ADAMTSL1: variants seen among roughly 807,000 people sequenced by gnomAD.
ADAMTSL1 encodes the protein ADAMTS like 1, also known as ADAMTS-like protein 1.
ADAMTSL1 carries 126 observed loss-of-function variants against 201.8 expected under a neutral mutation model. That is an observed-to-expected ratio of 0.62 (90% CI 0.54 to 0.72). The LOEUF is 0.72. Among genes scored for constraint, ADAMTSL1 ranks in the 30% least tolerant of loss-of-function variants. ADAMTSL1 has a pLI of 0.00. For missense variants in ADAMTSL1, 2,679 were observed against 2,277.8 expected, an observed-to-expected ratio of 1.18 and a Z score of -3.59; for synonymous variants, 1,121 against 903.4, an observed-to-expected ratio of 1.24 and a Z score of -4.32.
rs547736818 is a variant in ADAMTSL1 at position 18,404,596 on chromosome 9, C to A, written c.208-100233C>A. Among the ~76,000 whole-genome samples, 6 of 152,320 alleles carry A rather than the reference C, an allele frequency of 3.9e-5. No homozygotes were observed. In the East Asian group the frequency reaches 7.7e-4, roughly 20 times the overall value. On this transcript the variant is annotated intron_variant, in intron 2 of 29. Transcript: ENST00000680146. The stretch of plus-strand genomic sequence containing the variant: ...TCCTTTTCAGCTACAGTTCTCCCAG[C>A]CGGCCTAAGCATCTTTTCACAAACA...
chr9:18,169,305 A>C (rs1457214573), intron 2 of ADAMTSL1, among the ~76,000 whole-genome samples: 1 of 151,766 alleles, frequency 6.6e-6, no homozygotes, highest in African/African-American at 2.4e-5. Context: ...TTTTTGTATA[A>C]GGTGTAAGGA....
chr9:18,530,788 TATC>T (rs1819394536), intron 2 of ADAMTSL1, among the ~76,000 whole-genome samples: 2 of 152,218 alleles, frequency 1.3e-5, no homozygotes, highest in Admixed American at 6.5e-5. Context: ...AGATAAGTAA[TATC>T]ATCCCATTTT....
At chr9:17,996,891 A>G (rs60409953) in intron 1 of ADAMTSL1, among the ~76,000 whole-genome samples, 13,756 of 152,204 alleles carry the variant, frequency 0.09, 724 homozygotes, top group African/African-American at 0.14. Flanking sequence ...GCTGCAGAAG[A>G]ATGATGAATA....
At chr9:18,706,652 G>A (rs1832249645) in intron 13 of ADAMTSL1, 95 bp from the exon 14 acceptor site, 2 of 1,294,946 alleles carry the variant, frequency 1.5e-6, no homozygotes, top group Non-Finnish European at 2.1e-6. Flanking sequence ...ACAGCTCTGG[G>A]CACTGGAGGC....
chr9:18,744,631 A>C (rs1317998574), intron 15 of ADAMTSL1, among the ~76,000 whole-genome samples: 7 of 152,198 alleles, frequency 4.6e-5, no homozygotes, highest in Non-Finnish European at 7.3e-5. Flanking sequence ...TCTCACTTGA[A>C]CCTCATAACA....
At chr9:17,913,742 T>C (rs902164633) in intron 1 of ADAMTSL1, among the ~76,000 whole-genome samples, 3 of 152,154 alleles carry the variant, frequency 2.0e-5, no homozygotes, top group South Asian at 2.1e-4. Context: ...AGCTGGTTTT[T>C]TGAACGGATC....
chr9:18,760,170 C>G (rs1218399413), intron 16 of ADAMTSL1, among the ~76,000 whole-genome samples: 2 of 152,186 alleles, frequency 1.3e-5, no homozygotes, highest in Non-Finnish European at 2.9e-5. Context: ...TGCTTTCTAC[C>G]TGGAAACTTG....
At chr9:17,909,258 C>G (rs965676412) in intron 1 of ADAMTSL1, among the ~76,000 whole-genome samples, 4 of 146,964 alleles carry the variant, frequency 2.7e-5, no homozygotes, top group Admixed American at 6.8e-5. Flanking sequence ...AAATTTTCTC[C>G]CATTCTGTAG....
Position 18,640,810 on chromosome 9 carries a change from G to A in ADAMTSL1, c.834+1399G>A, listed in dbSNP as rs540356593. On this transcript the variant is annotated intron_variant, in intron 7 of 28. Transcript: ENST00000380548. Reference sequence around the variant, plus strand: ...TCTCCTCCATCCTTGCTGCCACTGCGTTAGCGCAGGCCTTTACTTTTTCTC... The same window carrying A: ...TCTCCTCCATCCTTGCTGCCACTGCATTAGCGCAGGCCTTTACTTTTTCTC... 7.2e-5 allele frequency among the ~76,000 whole-genome samples: 11 copies of A among 152,104 alleles called. No individual in the cohort carries two copies. The South Asian group carries it at 8.3e-4, about 11-fold the overall frequency.
At position 18,910,689 on chromosome 9, in the gene ADAMTSL1, G is replaced by A. The variant is rs2131641440; in HGVS notation, c.*2141G>A. 6.6e-6 allele frequency: 1 copy of A among 152,332 alleles called. No individual in the cohort carries two copies. Among genetic ancestry groups the A allele is most frequent in the South Asian group, 2.1e-4 (1 of 4,824 alleles). The allele number at this position is 152,332 out of a possible 1,614,324, so 9.4% of individuals were successfully genotyped here. A position where few individuals can be genotyped will look rare whatever the true frequency, so the allele number is the denominator to read the frequency against. On this transcript the variant is annotated 3_prime_UTR_variant, in exon 29 of 29. Coordinates refer to ENST00000380548, the MANE Select transcript of ADAMTSL1 (RefSeq NM_001040272.6). Reference sequence around the variant, plus strand: ...GGTCACTATTTACATTTCCTAAAGAGCAAGCATCCTCCAGCTCCATGTTGG... The same window carrying A: ...GGTCACTATTTACATTTCCTAAAGAACAAGCATCCTCCAGCTCCATGTTGG...
intron 8 of ADAMTSL1, among the ~76,000 whole-genome samples, chr9:18,659,181 C>T (rs1317485867): frequency 6.6e-6 from 1 of 152,162 alleles, no homozygotes; most frequent in African/African-American, 2.4e-5. Flanking sequence ...ATTAATTTGA[C>T]AAGATATAAA....
At chr9:18,598,150 T>G (rs1462104690) in intron 4 of ADAMTSL1, among the ~76,000 whole-genome samples, 1 of 152,222 alleles carries the variant, frequency 6.6e-6, no homozygotes, top group Non-Finnish European at 1.5e-5. Context: ...GGGGATATTT[T>G]GAACCTCTCT....
intron 2 of ADAMTSL1, among the ~76,000 whole-genome samples, chr9:18,282,513 A>G (rs1409943550): frequency 1.3e-5 from 2 of 152,216 alleles, no homozygotes; most frequent in Non-Finnish European, 2.9e-5. Flanking sequence ...GCTGTGGTTA[A>G]AAAATAAAAT....
intron 1 of ADAMTSL1, among the ~76,000 whole-genome samples, chr9:18,035,400 C>G (rs1821152725): frequency 2.0e-5 from 3 of 152,126 alleles, no homozygotes; most frequent in African/African-American, 7.2e-5. Context: ...AGATTGTGTC[C>G]TTTATCTTGT....
intron 2 of ADAMTSL1, among the ~76,000 whole-genome samples, chr9:18,464,118 A>G (rs1820911258): frequency 6.6e-6 from 1 of 152,242 alleles, no homozygotes. Flanking sequence ...CTGTGGAATC[A>G]TTAACTCTCT....
At chr9:17,936,591 C>T (rs900385701) in intron 1 of ADAMTSL1, among the ~76,000 whole-genome samples, 2 of 152,196 alleles carry the variant, frequency 1.3e-5, no homozygotes, top group Admixed American at 6.5e-5. Flanking sequence ...GCCGCTCAGG[C>T]CATAAATACC....
chr9:18,602,193 T>C (rs772515239), intron 4 of ADAMTSL1, among the ~76,000 whole-genome samples: 2 of 152,190 alleles, frequency 1.3e-5, no homozygotes, highest in Non-Finnish European at 2.9e-5. Context: ...GAATTGCATC[T>C]TTTATGCTTT....
intron 2 of ADAMTSL1, among the ~76,000 whole-genome samples, chr9:18,262,944 C>T (rs1165120778): frequency 6.6e-6 from 1 of 152,180 alleles, no homozygotes; most frequent in Non-Finnish European, 1.5e-5. Flanking sequence ...GTAACATAAA[C>T]ATCTGATTGA....
intron 13 of ADAMTSL1, among the ~76,000 whole-genome samples, chr9:18,689,901 G>A (rs1463591877): frequency 6.6e-6 from 1 of 152,184 alleles, no homozygotes; most frequent in Non-Finnish European, 1.5e-5. Context: ...TTCAGTCAAC[G>A]GCTTTGCATG....
Sources: gnomAD v4.1 joint callset for allele counts (sites outside exome capture counted in the v4.1 genomes callset) on GRCh38, gnomAD v4.1.1 for gene constraint, MANE v1.5 for transcripts, NCBI Gene and HGNC (gene_info 2026-07-23, HGNC 2026-07-21) for gene names.